Variants in TTN observed in about 807,000 individuals in gnomAD.
TTN encodes the protein titin, also known as connectin.
In TTN, 1,525 loss-of-function variants were observed where a neutral mutation model predicts 3,223.0. The ratio of observed to expected loss-of-function variants is 0.47; its 90% CI spans 0.45 to 0.49. TTN has a LOEUF of 0.49. Ranked by LOEUF, TTN falls within the 20% of genes least tolerant of loss-of-function variation. TTN has a pLI of 0.00. For missense variants in TTN, 40,786 were observed against 43,424.0 expected (o/e 0.94, Z 5.40); for synonymous variants, 14,094 against 15,161.0 (o/e 0.93, Z 5.17).
In TTN at chr2:178,592,366, G is replaced by A. The variant is rs1314695185; in HGVS notation, c.59626+13C>T. On this transcript the variant is annotated intron_variant, in intron 301 of 362. Coordinates refer to ENST00000589042, the MANE Select transcript of TTN (RefSeq NM_001267550.2). ...AAATTTATTTTTAATGGCCTAAGTA[G>A]TAAAATTCTTACCTAATACAAGTAC... The A allele has an allele frequency of 1.2e-6, 2 of 1,607,888 alleles. No individual in the cohort carries two copies. The highest frequency in any genetic ancestry group is 1.7e-6 in the Non-Finnish European group (2 of 1,178,314).
intron 165 of TTN, 114 bp downstream of exon 165, chr2:178,665,263 A>G: frequency 9.4e-7 from 1 of 1,059,718 alleles, no homozygotes; most frequent in Non-Finnish European, 1.4e-6. Flanking sequence ...AGACACTTAA[A>G]AGATATTAGT....
chr2:178,605,913 T>A (rs533378177), intron 278 of TTN, among the ~76,000 whole-genome samples, 200 bp from the exon 279 acceptor site: 157 of 152,110 alleles, frequency 1.0e-3, no homozygotes, highest in African/African-American at 3.7e-3. Flanking sequence ...TAGCAAACTT[T>A]TCATCAAGAT....
rs1457334016 is a variant in TTN, at chr2:178,634,326, T to C, written c.42415+40A>G. 1 of 1,574,046 alleles carries C rather than the reference T, an allele frequency of 6.4e-7. No homozygotes were observed. The highest frequency in any genetic ancestry group is 2.3e-5 in the East Asian group (1 of 44,428). On this transcript the variant is annotated intron_variant, in intron 230 of 362. Coordinates refer to ENST00000589042, the MANE Select transcript of TTN (RefSeq NM_001267550.2). The surrounding 1 kb of genome is among the most constrained non-coding windows in gnomAD (Gnocchi z 4.6). ...CTATCTTTAAAGTCATATATTTGCA[T>C]GCCTTTATGGGATGTCACAGATCTC...
Position 178,577,370 on chromosome 2 carries a change from TA to T in TTN, c.68964del (p.Arg22989AspfsTer8). ...KSSWSKAGKD[I>X]RPSDITQITS... ...GTTATCTGAGTGATATCTGATGGTC[TA>T]ATGTCTTTTCCTGCCTTGGACCAAC... is the stretch of plus-strand genomic sequence containing the variant. On this transcript the variant is annotated frameshift_variant, in exon 324 of 363. Transcript: ENST00000589042. LOFTEE classifies it high-confidence loss of function. 1 of 1,613,126 alleles carries T rather than the reference TA, an allele frequency of 6.2e-7. No individual in the cohort carries two copies. The highest frequency in any genetic ancestry group is 2.2e-5 in the East Asian group (1 of 44,744).
rs753847129 is a variant in TTN, at chr2:178,590,502, A to G, written c.61223T>C (p.Val20408Ala). The stretch of plus-strand genomic sequence containing the variant: ...TGCTGTGCCAGGTTTCTGACATTCC[A>G]CTACATATCCTAGAATGGGGCTACC... ...DGGSPILGYV[V>A]ECQKPGTAQW... The change falls in exon 304 of 363, where the codon GTG becomes GCG. Residue 20408 changes from valine to alanine, a missense_variant. Transcript: ENST00000589042. 11 of 1,613,010 alleles carry G rather than the reference A, an allele frequency of 6.8e-6. 1 individual carries two copies. In the South Asian group the frequency reaches 1.2e-4, roughly 18 times the overall value.
rs1378546349 is a variant in TTN, at chr2:178,578,725, A to G, written c.68225-10T>C. 1 of 1,607,126 alleles carries G rather than the reference A, an allele frequency of 6.2e-7. No homozygotes were observed. The highest frequency in any genetic ancestry group is 8.5e-7 in the Non-Finnish European group (1 of 1,177,932). ...GGAGCATCAGGCACATCTAGAAAAA[A>G]GTAGATAATGCAAGATTTATAATAA... On this transcript the variant is annotated splice_polypyrimidine_tract_variant and intron_variant, in intron 320 of 362. Transcript: ENST00000589042.
chr2:178,534,277 C>T lies in TTN; in HGVS notation c.102338G>A (p.Cys34113Tyr). Residue 34113 changes from cysteine (C) to tyrosine (Y), a missense_variant, in exon 358 of 363, where the codon TGT (cysteine) becomes TAT (tyrosine). Coordinates refer to ENST00000589042, the MANE Select transcript of TTN (RefSeq NM_001267550.2). Reference protein sequence around the residue: ...NMVVSAARISCGGAIRSQKGV... With the variant: ...NMVVSAARISYGGAIRSQKGV... ...CTTCTGAGATCGAATTGCACCACCACAGGAGATCCGGGCTGCTGACACAAC... is the reference window on the plus strand; with the variant it reads ...CTTCTGAGATCGAATTGCACCACCATAGGAGATCCGGGCTGCTGACACAAC... The T allele has an allele frequency of 6.2e-7, 1 of 1,613,946 alleles. No homozygotes were observed. The highest frequency in any genetic ancestry group is 8.5e-7 in the Non-Finnish European group (1 of 1,179,840).
At chr2:178,581,882 T>C (rs1303334448) in intron 315 of TTN, 24 bp downstream of exon 315, 1 of 1,611,168 alleles carries the variant, frequency 6.2e-7, no homozygotes, top group Non-Finnish European at 8.5e-7. Context: ...ACACAGGATA[T>C]GGAACTCGTT....
intron 47 of TTN, chr2:178,748,784 GT>G: frequency 6.2e-7 from 1 of 1,612,118 alleles, no homozygotes; most frequent in Non-Finnish European, 8.5e-7. Flanking sequence ...TTCTTTATGA[GT>G]TTGAGAGGAA....
chr2:178,785,710 T>C lies in TTN; in HGVS notation c.2403A>G (p.Arg801=). Residue 801 remains arginine, a synonymous_variant, in exon 15 of 363, where the codon AGA becomes AGG. Transcript: ENST00000589042. ...IKKTTDLTTE[R]LVHVDKRPRT... is the part of the protein sequence containing the mutation. The stretch of plus-strand genomic sequence containing the variant: ...GGGGGCGTTTATCCACATGGACTAA[T>C]CTTTCCGTTGTTAGATCTGTAGTTT... The C allele has an allele frequency of 6.2e-7, 1 of 1,614,214 alleles. No individual in the cohort carries two copies. Among genetic ancestry groups the C allele is most frequent in the Non-Finnish European group, 8.5e-7 (1 of 1,180,014 alleles).
Position 178,706,895 on chromosome 2 carries a change from CAA to C in TTN, c.29099_29100del (p.Phe9700CysfsTer24). ...KKAAVDGRLFFVSEPQSIRVV... is the reference protein window; with the variant it reads ...KKAAVDGRLFXVSEPQSIRVV... ...ACTCTGATACTCTGAGGTTCTGACA[CAA>C]AAAAGAGTCTTCCATCTACCGCAGC... On this transcript the variant is annotated frameshift_variant, in exon 101 of 363. Transcript: ENST00000589042. LOFTEE classifies it high-confidence loss of function. 3 of 1,612,330 alleles carry C rather than the reference CAA, an allele frequency of 1.9e-6. No individual in the cohort carries two copies. The highest frequency in any genetic ancestry group is 2.5e-6 in the Non-Finnish European group (3 of 1,179,216).
At chr2:178,650,518 T>C (rs1310496517) in intron 209 of TTN, among the ~76,000 whole-genome samples, 2 of 152,180 alleles carry the variant, frequency 1.3e-5, no homozygotes, top group South Asian at 2.1e-4. Flanking sequence ...TTACTTTCTA[T>C]GTACATTGGA....
Position 178,632,691 on chromosome 2 carries a change from G to A in TTN, c.43315C>T (p.Arg14439Cys), listed in dbSNP as rs200914097. The A allele has an allele frequency of 3.2e-5, 51 of 1,613,176 alleles. No homozygotes were observed. The African/African-American group carries it at 4.5e-4, about 14-fold the overall frequency. ...ATTTCCTGGGTTCCTTTTAGCCAAC[G>A]GAATGTTTTGGGCTCCCTGGATACT... ...CEVSREPKTF[R>C]WLKGTQEITG... The change falls in exon 235 of 363, where the codon CGT (arginine) becomes TGT (cysteine). Residue 14439 changes from arginine (R) to cysteine (C), a missense_variant. Coordinates refer to ENST00000589042, the MANE Select transcript of TTN (RefSeq NM_001267550.2).
chr2:178,597,614 G>C lies in TTN; in HGVS notation c.57468C>G (p.Ser19156Arg), dbSNP rs2052061972. 1 of 1,613,130 alleles carries C rather than the reference G, an allele frequency of 6.2e-7. No homozygotes were observed. Among genetic ancestry groups the C allele is most frequent in the Non-Finnish European group, 8.5e-7 (1 of 1,179,492 alleles). The change falls in exon 294 of 363, where the codon AGC becomes AGG. Residue 19156 changes from serine (S) to arginine (R), a missense_variant. Transcript: ENST00000589042. ...SSMVIKNCQR[S>R]HQGVYSLLAK... ...CAAGAAGAGAATAGACGCCTTGATG[G>C]CTCCTCTGGCAGTTCTTGATGACCA...
chr2:178,636,085 C>T lies in TTN; in HGVS notation c.41486G>A (p.Gly13829Asp), dbSNP rs1114167326. The change falls in exon 226 of 363, where the codon GGC (glycine) becomes GAC (aspartate). Residue 13829 changes from glycine to aspartate, a missense_variant. Coordinates refer to ENST00000589042, the MANE Select transcript of TTN (RefSeq NM_001267550.2). This position sits in a 1 kb window ranked among gnomAD's most constrained non-coding sequence, Gnocchi z 4.3. Reference protein sequence around the residue: ...VVEKPGRIVPGVIGLMRALTI... With the variant: ...VVEKPGRIVPDVIGLMRALTI... ...CAGAGCCCGCATCAAGCCAATGACG[C>T]CTGGCACAATTCGGCCAGGTTTCTC... The T allele has an allele frequency of 6.2e-7, 1 of 1,613,252 alleles. No homozygotes were observed. Among genetic ancestry groups the T allele is most frequent in the Non-Finnish European group, 8.5e-7 (1 of 1,179,522 alleles).
chr2:178,779,158 C>T (rs778671534), intron 23 of TTN, 40 bp from the exon 24 acceptor site: 14 of 1,612,632 alleles, frequency 8.7e-6, no homozygotes, highest in Admixed American at 3.3e-5. Flanking sequence ...AAATTTACAT[C>T]AAATAGTTAT....
In TTN at chr2:178,599,299, A is replaced by G. The variant is rs902705564; in HGVS notation, c.56494T>C (p.Trp18832Arg). The G allele has an allele frequency of 6.2e-7, 1 of 1,608,758 alleles. No individual in the cohort carries two copies. The highest frequency in any genetic ancestry group is 8.5e-7 in the Non-Finnish European group (1 of 1,178,032). ...IEKREANRKTWVHVSSEPKEC... is the reference protein window; with the variant it reads ...IEKREANRKTRVHVSSEPKEC... ...TTAGGTTCACTGGAGACATGGACCCATGTCTTCCTGTTAGCTTCTCTTTTC... is the reference window on the plus strand; with the variant it reads ...TTAGGTTCACTGGAGACATGGACCCGTGTCTTCCTGTTAGCTTCTCTTTTC... The change falls in exon 290 of 363, where the codon TGG becomes CGG. Residue 18832 changes from tryptophan (W) to arginine (R), a missense_variant. Physicochemically the swap from Trp to Arg is moderately radical, Grantham distance 101. Coordinates refer to ENST00000589042, the MANE Select transcript of TTN (RefSeq NM_001267550.2).
chr2:178,783,816 C>T (rs1467163288), intron 16 of TTN, 31 bp from the exon 17 acceptor site: 4 of 1,581,958 alleles, frequency 2.5e-6, no homozygotes, highest in South Asian at 2.2e-5. Context: ...TTACAAAATG[C>T]TCATGAAATT....
At position 178,718,755 on chromosome 2, in the gene TTN, A is replaced by G; in HGVS notation, c.24445T>C (p.Ser8149Pro). ...CCAGCATCATTTGTAACGAGGCAAGAATAGTCTCCACTTTCTAATGGCTGC... is the reference window on the plus strand; with the variant it reads ...CCAGCATCATTTGTAACGAGGCAAGGATAGTCTCCACTTTCTAATGGCTGC... ...EVQPLESGDYSCLVTNDAGSA... is the reference protein window; with the variant it reads ...EVQPLESGDYPCLVTNDAGSA... The change falls in exon 84 of 363, where the codon TCT becomes CCT. Residue 8149 changes from serine (S) to proline (P), a missense_variant. Physicochemically the swap from Ser to Pro is moderately conservative, Grantham distance 74 (BLOSUM62 -1). Transcript: ENST00000589042. The G allele has an allele frequency of 6.2e-7, 1 of 1,613,816 alleles. No homozygotes were observed.
Sources: gnomAD v4.1 joint callset for allele counts (sites outside exome capture counted in the v4.1 genomes callset) on GRCh38, gnomAD v4.1.1 for gene constraint, Gnocchi (gnomAD v3.1) non-coding constraint, MANE v1.5 for transcripts, NCBI Gene and HGNC (gene_info 2026-07-23, HGNC 2026-07-21) for gene names.